TIMM17A: variants seen among roughly 807,000 people sequenced by gnomAD.
The protein encoded by TIMM17A is translocase of inner mitochondrial membrane 17A.
TIMM17A carries 15 observed loss-of-function variants against 26.5 expected under a neutral mutation model. The ratio of observed to expected loss-of-function variants is 0.57; its 90% CI spans 0.38 to 0.87. TIMM17A has a LOEUF of 0.87. TIMM17A is among the 40% of genes least tolerant of loss of function. The pLI, the probability that TIMM17A is intolerant of heterozygous loss-of-function variation, is 0.00. For synonymous variants in TIMM17A, 80 were observed against 70.8 expected (o/e 1.13, Z -0.66); for missense variants, 201 against 210.0 (o/e 0.96, Z 0.27).
intron 5 of TIMM17A, among the ~76,000 whole-genome samples, chr1:201,968,327 A>G (rs190148059): frequency 1.3e-4 from 20 of 151,776 alleles, no homozygotes; most frequent in Non-Finnish European, 1.9e-4. Context: ...AAAAGGTTAG[A>G]CAGAACTGTA....
chr1:201,967,867 C>T (rs1023864745), intron 5 of TIMM17A, among the ~76,000 whole-genome samples: 5 of 151,898 alleles, frequency 3.3e-5, no homozygotes, highest in African/African-American at 7.3e-5. Context: ...TAAAACTCAG[C>T]ATTTATATAG....
In TIMM17A at chr1:201,969,614, G is replaced by C; in HGVS notation, c.*60G>C. 7.0e-7 allele frequency: 1 copy of C among 1,430,222 alleles called. No homozygotes were observed. The highest frequency in any genetic ancestry group is 9.8e-7 in the Non-Finnish European group (1 of 1,015,238). The allele number at this position is 1,430,222 out of a possible 1,614,324, so 88.6% of individuals were successfully genotyped here. On this transcript the variant is annotated 3_prime_UTR_variant, in exon 6 of 6. Transcript: ENST00000367287. ...TTGTGGTTCGAGAAGGATTTCAGAA[G>C]ATCAAGTTACAGTCTGTTTTTAAAA...
At chr1:201,957,809 T>TG in intron 3 of TIMM17A, 1 of 455,230 alleles carries the variant, frequency 2.2e-6, no homozygotes. Flanking sequence ...GATTTTTTTT[T>TG]TTTTTCCTTC....
intron 4 of TIMM17A, among the ~76,000 whole-genome samples, chr1:201,964,886 A>G (rs909996709): frequency 2.7e-5 from 4 of 149,860 alleles, no homozygotes; most frequent in African/African-American, 9.8e-5. Flanking sequence ...CTGACCTCGT[A>G]ATCCACCCAC....
rs568164467 is a variant in TIMM17A at position 201,968,376 on chromosome 1, T to C, written c.431-1093T>C. 2.0e-5 allele frequency among the ~76,000 whole-genome samples: 3 copies of C among 152,002 alleles called. No individual in the cohort carries two copies. The East Asian group carries it at 5.8e-4, about 29-fold the overall frequency. On this transcript the variant is annotated intron_variant, in intron 5 of 5. Transcript: ENST00000367287. ...AGTGGTTTTCATCGGCTTATCTTTT[T>C]TTGGGGTTTTTTTGTTTTTGTTTGT...
chr1:201,961,935 T>A (rs954653540), intron 3 of TIMM17A, among the ~76,000 whole-genome samples: 27 of 151,844 alleles, frequency 1.8e-4, no homozygotes, highest in African/African-American at 6.5e-4. Context: ...TCCTTGAGAA[T>A]CTCTCTCTTG....
rs2102947993 is a variant in TIMM17A, at chr1:201,970,229, G to GA, written c.*678dup. The GA allele has an allele frequency of 6.6e-6, 1 of 152,322 alleles. No homozygotes were observed. The highest frequency in any genetic ancestry group is 1.9e-4 in the East Asian group (1 of 5,190). The allele number at this position is 152,322 out of a possible 1,614,324, so 9.4% of individuals were successfully genotyped here. On this transcript the variant is annotated 3_prime_UTR_variant, in exon 6 of 6. Transcript: ENST00000367287. The stretch of plus-strand genomic sequence containing the variant: ...TTCCTGATCATCAGAAATTTCACCA[G>GA]AAACAACTTGCTTCCAATATACCCA...
intron 3 of TIMM17A, among the ~76,000 whole-genome samples, chr1:201,960,685 G>A (rs554508505): frequency 1.3e-5 from 2 of 152,160 alleles, no homozygotes; most frequent in African/African-American, 2.4e-5. Context: ...ATTTGCTAAG[G>A]TATTCAGATC....
Position 201,963,414 on chromosome 1 carries a change from C to A in TIMM17A, c.191-202C>A, listed in dbSNP as rs1238105839. ...TAGGCTTTGGGCCGTTGCTAATTTT[C>A]CAGCTGATATAATACAATCCAGCTT... On this transcript the variant is annotated intron_variant, in intron 3 of 5. Coordinates refer to ENST00000367287, the MANE Select transcript of TIMM17A (RefSeq NM_006335.3). 7 of 518,472 alleles carry A rather than the reference C, an allele frequency of 1.4e-5. No individual in the cohort carries two copies. In the East Asian group the frequency reaches 2.9e-4, roughly 21 times the overall value. The allele number at this position is 518,472 out of a possible 1,614,324, so 32.1% of individuals were successfully genotyped here.
At chr1:201,961,694 T>G (rs1036304091) in intron 3 of TIMM17A, among the ~76,000 whole-genome samples, 2 of 152,048 alleles carry the variant, frequency 1.3e-5, no homozygotes, top group African/African-American at 4.8e-5. Flanking sequence ...ACAAAAAAAT[T>G]TTTTAAAAGA....
At chr1:201,967,891 G>A (rs1682663783) in intron 5 of TIMM17A, among the ~76,000 whole-genome samples, 1 of 152,150 alleles carries the variant, frequency 6.6e-6, no homozygotes, top group Non-Finnish European at 1.5e-5. Flanking sequence ...CAGCCTAAAA[G>A]AGGTGTATTT....
At chr1:201,969,394 C>T in intron 5 of TIMM17A, 75 bp from the exon 6 acceptor site, 2 of 1,184,856 alleles carry the variant, frequency 1.7e-6, no homozygotes, top group Non-Finnish European at 2.5e-6. Flanking sequence ...TTGATTTACT[C>T]TCTATAGAGA....
chr1:201,963,605 C>A lies in TIMM17A; in HGVS notation c.191-11C>A. ...ATTAGTATTTGCTTGTTTCTTTTTA[C>A]AATAAAATAGGTAGCTTTGCAGTTT... On this transcript the variant is annotated splice_polypyrimidine_tract_variant and intron_variant, in intron 3 of 5. Transcript: ENST00000367287. The A allele has an allele frequency of 1.3e-6, 2 of 1,592,554 alleles. No individual in the cohort carries two copies. Among genetic ancestry groups the A allele is most frequent in the Non-Finnish European group, 1.7e-6 (2 of 1,174,242 alleles).
chr1:201,956,733 G>A (rs191641448), intron 1 of TIMM17A, among the ~76,000 whole-genome samples: 3 of 151,966 alleles, frequency 2.0e-5, no homozygotes, highest in East Asian at 1.9e-4. Context: ...AGGCCGAGGC[G>A]GATCACGAGG....
intron 3 of TIMM17A, among the ~76,000 whole-genome samples, chr1:201,960,277 G>A (rs1225759133): frequency 6.6e-6 from 1 of 151,942 alleles, no homozygotes; most frequent in Non-Finnish European, 1.5e-5. Flanking sequence ...GCAGGCACCT[G>A]TAATCCTAGC....
intron 1 of TIMM17A, among the ~76,000 whole-genome samples, chr1:201,955,769 C>T (rs1418142277): frequency 6.6e-6 from 1 of 152,220 alleles, no homozygotes; most frequent in South Asian, 2.1e-4. Flanking sequence ...CAACCCAGCA[C>T]CCGTGTGACC....
intron 5 of TIMM17A, among the ~76,000 whole-genome samples, chr1:201,967,263 G>A (rs541140178): frequency 1.3e-5 from 2 of 151,986 alleles, no homozygotes; most frequent in African/African-American, 4.8e-5. Flanking sequence ...GAGTAATCTA[G>A]ATGACCCTGC....
intron 4 of TIMM17A, among the ~76,000 whole-genome samples, chr1:201,964,537 G>C (rs1682587861): frequency 6.6e-6 from 1 of 151,448 alleles, no homozygotes; most frequent in Non-Finnish European, 1.5e-5. Flanking sequence ...ACCTAAATCT[G>C]CTGTCATAGC....
At chr1:201,964,057 T>C (rs1047571421) in intron 4 of TIMM17A, among the ~76,000 whole-genome samples, 14 of 152,144 alleles carry the variant, frequency 9.2e-5, no homozygotes, top group African/African-American at 3.4e-4. Flanking sequence ...CACTCTCACC[T>C]GGGCAACAGA....
Sources: gnomAD v4.1 joint callset for allele counts (sites outside exome capture counted in the v4.1 genomes callset) on GRCh38, gnomAD v4.1.1 for gene constraint, MANE v1.5 for transcripts, NCBI Gene and HGNC (gene_info 2026-07-23, HGNC 2026-07-21) for gene names.